The following RGS6 variants were observed in gnomAD, a reference collection of about 807,000 sequenced individuals.
RGS6 encodes regulator of G-protein signaling 6.
A neutral mutation model predicts 78.5 loss-of-function variants in RGS6; 30 were observed. The observed-to-expected ratio is 0.38, with a 90% CI of 0.29 to 0.52. The LOEUF is 0.52. Ranked by LOEUF, RGS6 falls within the 20% of genes least tolerant of loss-of-function variation. The pLI, the probability that RGS6 is intolerant of heterozygous loss-of-function variation, is 0.85. For missense variants in RGS6, 495 were observed against 609.7 expected (o/e 0.81, Z 1.98); for synonymous variants, 206 against 206.0 (o/e 1.00, Z 0.00).
At chr14:72,409,765 C>A (rs902400373) in intron 3 of RGS6, among the ~76,000 whole-genome samples, 3 of 152,060 alleles carry the variant, frequency 2.0e-5, no homozygotes, top group Non-Finnish European at 4.4e-5. Context: ...TTCCTGTGTC[C>A]ATGTGTTCTC....
At chr14:72,148,036 C>T (rs2096631152) in intron 2 of RGS6, among the ~76,000 whole-genome samples, 2 of 149,350 alleles carry the variant, frequency 1.3e-5, no homozygotes, top group Admixed American at 6.8e-5. Flanking sequence ...GAGACTAAGG[C>T]AGGAGAATGG....
chr14:72,095,287 T>C (rs11627630), intron 2 of RGS6, among the ~76,000 whole-genome samples: 11,864 of 152,112 alleles, frequency 0.078, 672 homozygotes, highest in Non-Finnish European at 0.12. Context: ...TTTTAGCAAG[T>C]AGGTTTTCTT....
chr14:72,456,944 C>G (rs113385503), intron 4 of RGS6, among the ~76,000 whole-genome samples: 2,441 of 151,844 alleles, frequency 0.016, 65 homozygotes, highest in African/African-American at 0.057. Flanking sequence ...ATTAGACAGA[C>G]GTGGTGGCAT....
intron 15 of RGS6, among the ~76,000 whole-genome samples, chr14:72,529,533 C>T (rs780835005): frequency 3.3e-5 from 5 of 152,176 alleles, no homozygotes; most frequent in Non-Finnish European, 7.3e-5. Flanking sequence ...CAAACTGCTC[C>T]TCTGACCCAC....
intron 2 of RGS6, among the ~76,000 whole-genome samples, chr14:72,184,616 G>C (rs761596759): frequency 1.1e-4 from 16 of 152,084 alleles, no homozygotes; most frequent in Non-Finnish European, 2.1e-4. Flanking sequence ...TGCTCTGTTT[G>C]AAATAAAAGG....
chr14:72,438,842 T>G (rs2095059617), intron 3 of RGS6, among the ~76,000 whole-genome samples: 1 of 152,238 alleles, frequency 6.6e-6, no homozygotes, highest in Non-Finnish European at 1.5e-5. Flanking sequence ...GACTTTCTAT[T>G]TCTTTTAAAA....
chr14:72,386,803 A>G (rs1015832181), intron 3 of RGS6, among the ~76,000 whole-genome samples: 1 of 152,246 alleles, frequency 6.6e-6, no homozygotes, highest in Non-Finnish European at 1.5e-5. Flanking sequence ...TTTTGTGCTT[A>G]AAAATAATCT....
At chr14:72,371,503 T>A (rs964576974) in intron 3 of RGS6, among the ~76,000 whole-genome samples, 1 of 152,212 alleles carries the variant, frequency 6.6e-6, no homozygotes, top group African/African-American at 2.4e-5. Context: ...GGCTCATGCC[T>A]ATAATCGCAG....
intron 3 of RGS6, among the ~76,000 whole-genome samples, chr14:72,438,328 CA>C (rs2095034757): frequency 6.6e-6 from 1 of 152,102 alleles, no homozygotes; most frequent in Non-Finnish European, 1.5e-5. Context: ...TGACCTCATC[CA>C]GCCTCGCTGC....
chr14:72,079,249 A>G (rs75367292), intron 2 of RGS6, among the ~76,000 whole-genome samples: 3,874 of 152,030 alleles, frequency 0.025, 65 homozygotes, highest in African/African-American at 0.042. Flanking sequence ...TTAAGATATT[A>G]TTAAATTTTT....
intron 2 of RGS6, among the ~76,000 whole-genome samples, chr14:71,983,830 A>G (rs2153142721): frequency 6.6e-6 from 1 of 152,356 alleles, no homozygotes; most frequent in Middle Eastern, 3.4e-3. Flanking sequence ...GGACTACAAA[A>G]TATCTTTTTG....
intron 2 of RGS6, among the ~76,000 whole-genome samples, chr14:72,027,804 G>A (rs537095499): frequency 3.9e-5 from 6 of 152,162 alleles, no homozygotes; most frequent in Admixed American, 6.5e-5. Context: ...TGATTTATCC[G>A]GATCACCTTT....
intron 2 of RGS6, among the ~76,000 whole-genome samples, chr14:72,053,977 G>C (rs1462677836): frequency 1.3e-5 from 2 of 152,184 alleles, no homozygotes; most frequent in African/African-American, 4.8e-5. Context: ...ATTGAGATAA[G>C]ACCGAATGGT....
At position 72,254,592 on chromosome 14, in the gene RGS6, C is replaced by T. The variant is rs1254474698; in HGVS notation, c.85-97503C>T. Among the ~76,000 whole-genome samples, 3 of 152,104 alleles carry T rather than the reference C, an allele frequency of 2.0e-5. No individual in the cohort carries two copies. The East Asian group carries it at 5.8e-4, about 29-fold the overall frequency. ...TAAATTATTGTCCAATTTTAGCCTACTGGGAACCCCTCTGCAGCTACTCTG... is the reference window on the plus strand; with the variant it reads ...TAAATTATTGTCCAATTTTAGCCTATTGGGAACCCCTCTGCAGCTACTCTG... On this transcript the variant is annotated intron_variant, in intron 2 of 17. Transcript: ENST00000553525.
the RGS6 span, among the ~76,000 whole-genome samples, chr14:71,895,769 G>C: frequency 6.6e-6 from 1 of 152,192 alleles, no homozygotes; most frequent in Non-Finnish European, 1.5e-5. Flanking sequence ...TCCTTGGCCT[G>C]AAGGGCAAGA....
chr14:71,917,099 A>G, the RGS6 span, among the ~76,000 whole-genome samples: 6 of 152,338 alleles, frequency 3.9e-5, no homozygotes, highest in African/African-American at 1.4e-4. Flanking sequence ...AGGCTGCTTT[A>G]AGATCCTGGG....
chr14:72,094,937 T>G (rs2095366991), intron 2 of RGS6, among the ~76,000 whole-genome samples: 1 of 152,116 alleles, frequency 6.6e-6, no homozygotes, highest in Non-Finnish European at 1.5e-5. Flanking sequence ...CACAAATCAC[T>G]CTGATATGTT....
At chr14:71,947,943 G>A (rs1415829251) in intron 1 of RGS6, among the ~76,000 whole-genome samples, 1 of 152,124 alleles carries the variant, frequency 6.6e-6, no homozygotes, top group Non-Finnish European at 1.5e-5. Context: ...TGATAGTGAT[G>A]GGGATTTAGT....
chr14:72,387,464 G>T (rs1381898627), intron 3 of RGS6, among the ~76,000 whole-genome samples: 1 of 151,982 alleles, frequency 6.6e-6, no homozygotes, highest in Non-Finnish European at 1.5e-5. Context: ...CAGGAGAATG[G>T]CGTGAACCCA....
Sources: gnomAD v4.1 joint callset for allele counts (sites outside exome capture counted in the v4.1 genomes callset) on GRCh38, gnomAD v4.1.1 for gene constraint, MANE v1.5 for transcripts, NCBI Gene and HGNC (gene_info 2026-07-23, HGNC 2026-07-21) for gene names.